The following GNAQ variants were observed in gnomAD, a reference collection of about 807,000 sequenced individuals.
The protein encoded by GNAQ is guanine nucleotide-binding protein G(q) subunit alpha.
In GNAQ, 8 loss-of-function variants were observed where a neutral mutation model predicts 43.9. That is an observed-to-expected ratio of 0.18 (90% CI 0.11 to 0.33). The LOEUF is 0.33. Ranked by LOEUF, GNAQ falls within the 10% of genes least tolerant of loss-of-function variation. The pLI, the probability that GNAQ is intolerant of heterozygous loss-of-function variation, is 1.00. For missense variants in GNAQ, 158 were observed against 450.8 expected, an observed-to-expected ratio of 0.35 and a Z score of 5.88; for synonymous variants, 155 against 170.7, an observed-to-expected ratio of 0.91 and a Z score of 0.71.
intron 2 of GNAQ, among the ~76,000 whole-genome samples, chr9:77,819,073 A>G (rs1044149536): frequency 6.6e-6 from 1 of 151,666 alleles, no homozygotes; most frequent in Non-Finnish European, 1.5e-5. Context: ...ACATAAACAA[A>G]ATGTAAAATA....
chr9:78,017,620 C>G (rs1180214871), intron 1 of GNAQ, among the ~76,000 whole-genome samples: 2 of 152,090 alleles, frequency 1.3e-5, no homozygotes, highest in African/African-American at 4.8e-5. Context: ...CATGGAATAT[C>G]TAAAGCAGAT....
chr9:77,956,906 T>A (rs2118400976), intron 1 of GNAQ, among the ~76,000 whole-genome samples: 1 of 152,328 alleles, frequency 6.6e-6, no homozygotes, highest in Admixed American at 6.5e-5. Context: ...ATCATTTATT[T>A]GGGGTTTGAA....
At chr9:77,935,623 G>A (rs1273500539) in intron 1 of GNAQ, among the ~76,000 whole-genome samples, 3 of 152,164 alleles carry the variant, frequency 2.0e-5, no homozygotes, top group African/African-American at 7.2e-5. Context: ...TGTTCCACAT[G>A]TGCTGTCCAA....
chr9:78,006,084 C>T lies in GNAQ; in HGVS notation c.136+25016G>A, dbSNP rs138940756. ...CGGGGTCACAAATGGATTCCTGGAA[C>T]GTGAGTTCTAATAATGCTATTGATT... On this transcript the variant is annotated intron_variant, in intron 1 of 6. Coordinates refer to ENST00000286548, the MANE Select transcript of GNAQ (RefSeq NM_002072.5). Among the ~76,000 whole-genome samples the T allele has an allele frequency of 4.1e-4, 63 of 152,230 alleles. No individual in the cohort carries two copies. In the East Asian group the frequency reaches 5.6e-3, roughly 14 times the overall value.
At chr9:78,025,631 A>C (rs1823968648) in intron 1 of GNAQ, among the ~76,000 whole-genome samples, 2 of 152,214 alleles carry the variant, frequency 1.3e-5, no homozygotes, top group Admixed American at 1.3e-4. Context: ...AACCCAATAC[A>C]GAGGAAACAG....
intron 6 of GNAQ, among the ~76,000 whole-genome samples, chr9:77,723,659 A>G (rs1351540574): frequency 6.6e-6 from 1 of 152,256 alleles, no homozygotes; most frequent in African/African-American, 2.4e-5. Flanking sequence ...AACTGTGAGA[A>G]CATTATAATA....
intron 5 of GNAQ, among the ~76,000 whole-genome samples, chr9:77,755,848 G>A (rs1034700049): frequency 1.3e-5 from 2 of 152,114 alleles, no homozygotes; most frequent in Non-Finnish European, 2.9e-5. Flanking sequence ...GATTTGTGAC[G>A]GTTAATACTG....
At chr9:77,854,813 T>C (rs1379772974) in intron 2 of GNAQ, among the ~76,000 whole-genome samples, 4 of 152,184 alleles carry the variant, frequency 2.6e-5, no homozygotes, top group Admixed American at 2.0e-4. Context: ...GACAATGGTA[T>C]CGATCCTGCT....
At chr9:77,940,460 T>TCA (rs1829298264) in intron 1 of GNAQ, among the ~76,000 whole-genome samples, 1 of 152,094 alleles carries the variant, frequency 6.6e-6, no homozygotes, top group South Asian at 2.1e-4. Flanking sequence ...GCACCTGTGG[T>TCA]CCTAGCTACT....
chr9:77,913,294 T>TTA (rs3083244), intron 2 of GNAQ, among the ~76,000 whole-genome samples: 94,636 of 147,932 alleles, frequency 0.64, 31,777 homozygotes, highest in South Asian at 0.77. Context: ...TAGGATATAA[T>TTA]TATATATATA....
At chr9:77,886,551 C>G (rs1828309662) in intron 2 of GNAQ, among the ~76,000 whole-genome samples, 1 of 152,022 alleles carries the variant, frequency 6.6e-6, no homozygotes, top group Non-Finnish European at 1.5e-5. Context: ...TGGCTTAAAA[C>G]AAAGGGGGCT....
intron 1 of GNAQ, among the ~76,000 whole-genome samples, chr9:77,926,006 G>A (rs1829067842): frequency 6.6e-6 from 1 of 152,030 alleles, no homozygotes; most frequent in South Asian, 2.1e-4. Context: ...TATTTTTACT[G>A]TTGTATTGTT....
intron 5 of GNAQ, among the ~76,000 whole-genome samples, chr9:77,765,402 A>G (rs899188312): frequency 2.6e-5 from 4 of 152,230 alleles, no homozygotes; most frequent in African/African-American, 9.6e-5. Flanking sequence ...AAAGACTCCT[A>G]CAACTCAATA....
At chr9:77,973,845 TTCA>T (rs919653568) in intron 1 of GNAQ, among the ~76,000 whole-genome samples, 174 of 152,260 alleles carry the variant, frequency 1.1e-3, no homozygotes, top group African/African-American at 4.0e-3. Context: ...TTTCTGGGTC[TTCA>T]TGTTCAATCT....
At chr9:77,764,556 C>T (rs12115264) in intron 5 of GNAQ, among the ~76,000 whole-genome samples, 5,536 of 151,872 alleles carry the variant, frequency 0.036, 303 homozygotes, top group African/African-American at 0.12. Flanking sequence ...CCCGGGTTCA[C>T]GCTATTCTCC....
intron 1 of GNAQ, among the ~76,000 whole-genome samples, chr9:77,944,796 C>T (rs1202835011): frequency 6.6e-6 from 1 of 152,128 alleles, no homozygotes; most frequent in Non-Finnish European, 1.5e-5. Context: ...CCATAATTAC[C>T]TGTTTGTGAT....
intron 5 of GNAQ, among the ~76,000 whole-genome samples, chr9:77,778,807 G>C (rs971220499): frequency 6.6e-6 from 1 of 151,932 alleles, no homozygotes; most frequent in Admixed American, 6.6e-5. Context: ...TTCAGACAAA[G>C]CAGGCTTCAA....
chr9:77,722,239 C>T (rs964587996), intron 6 of GNAQ, among the ~76,000 whole-genome samples: 4 of 151,730 alleles, frequency 2.6e-5, no homozygotes, highest in East Asian at 1.9e-4. Flanking sequence ...CAGGTTCAAG[C>T]GATTCTCTTG....
intron 1 of GNAQ, among the ~76,000 whole-genome samples, chr9:77,935,221 C>T (rs1451133361): frequency 3.9e-5 from 6 of 152,092 alleles, no homozygotes; most frequent in African/African-American, 1.4e-4. Flanking sequence ...CAAGCCAAAC[C>T]TCTGCATTGT....
Sources: allele counts gnomAD v4.1 joint callset (sites outside exome capture counted in the v4.1 genomes callset), GRCh38; gene constraint gnomAD v4.1.1; transcripts MANE v1.5; gene names NCBI Gene and HGNC (gene_info 2026-07-23, HGNC 2026-07-21).